Variants in CACNA1I observed in about 807,000 individuals in gnomAD.
The protein encoded by CACNA1I is voltage-dependent T-type calcium channel subunit alpha-1I.
Under a neutral mutation model 201.6 loss-of-function variants are expected in CACNA1I, and 74 were observed. The observed-to-expected ratio is 0.37, with a 90% CI of 0.30 to 0.45. The LOEUF is 0.45. CACNA1I is among the 20% of genes least tolerant of loss of function. The pLI is 1.00. For missense variants in CACNA1I, 2,346 were observed against 3,138.1 expected, an observed-to-expected ratio of 0.75 and a Z score of 6.03; for synonymous variants, 1,431 against 1,345.2, an observed-to-expected ratio of 1.06 and a Z score of -1.40.
intron 28 of CACNA1I, 73 bp from the exon 29 acceptor site, chr22:39,673,890 G>A (rs369405642): frequency 4.8e-5 from 69 of 1,429,282 alleles, no homozygotes; most frequent in East Asian, 2.8e-4. Context: ...GTTTACACAC[G>A]TGCACACATG....
intron 3 of CACNA1I, among the ~76,000 whole-genome samples, chr22:39,609,687 G>A (rs145212819): frequency 1.3e-5 from 2 of 152,342 alleles, no homozygotes; most frequent in South Asian, 2.1e-4. Flanking sequence ...AGCAAGGCTA[G>A]GAAAGCAGAA....
intron 29 of CACNA1I, among the ~76,000 whole-genome samples, chr22:39,674,531 C>T (rs1267784262): frequency 6.6e-6 from 1 of 152,180 alleles, no homozygotes; most frequent in Non-Finnish European, 1.5e-5. Flanking sequence ...GAGACCCTGA[C>T]CCAGGTGGGG....
chr22:39,606,472 C>T (rs1307760407), intron 3 of CACNA1I, among the ~76,000 whole-genome samples: 1 of 152,232 alleles, frequency 6.6e-6, no homozygotes, highest in Non-Finnish European at 1.5e-5. Context: ...CTAGACTCTT[C>T]CAGTGTGTGA....
chr22:39,616,764 C>CAAAAA (rs66551782), intron 3 of CACNA1I, among the ~76,000 whole-genome samples: 9 of 107,336 alleles, frequency 8.4e-5, no homozygotes, highest in African/African-American at 1.0e-4. Flanking sequence ...AACTCTGTCT[C>CAAAAA]AAAAAAAAAA....
rs1411802252 is a variant in CACNA1I at position 39,634,674 on chromosome 22, C to T, written c.690C>T (p.Leu230=). The part of the protein sequence containing the change: ...FFIFGIIGVQ[L]WAGLLRNRCF... ...TCTTTGGCATCATAGGTGTGCAGCT[C>T]TGGGCGGGCCTGCTGCGTAACCGCT... is the stretch of plus-strand genomic sequence containing the variant. Residue 230 remains leucine, a synonymous_variant, in exon 5 of 37, where the codon CTC becomes CTT. Coordinates refer to ENST00000402142, the MANE Select transcript of CACNA1I (RefSeq NM_021096.4). The T allele has an allele frequency of 3.1e-6, 5 of 1,613,930 alleles. No individual in the cohort carries two copies. The highest frequency in any genetic ancestry group is 3.4e-6 in the Non-Finnish European group (4 of 1,179,872).
chr22:39,600,455 G>T, intron 2 of CACNA1I, 65 bp from the exon 3 acceptor site: 1 of 1,410,932 alleles, frequency 7.1e-7, no homozygotes. Context: ...CACTGTGGCT[G>T]CAACCCCTGG....
rs200062848 is a variant in CACNA1I, at chr22:39,647,918, C to T, written c.1559C>T (p.Ser520Leu). 1,128 of 1,613,246 alleles carry T rather than the reference C, an allele frequency of 7.0e-4. 14 individuals carry two copies. The South Asian group carries it at 0.01, about 15-fold the overall frequency. The change falls in exon 9 of 37, where the codon TCG (serine) becomes TTG (leucine). Residue 520 changes from serine (S) to leucine (L), a missense_variant. Ser to Leu is a moderately radical substitution (Grantham distance 145). Coordinates refer to ENST00000402142, the MANE Select transcript of CACNA1I (RefSeq NM_021096.4). ...HGPASPGNDH[S>L]GRELCPQHSP... Reference sequence around the variant, plus strand: ...CCTGCCTCCCCTGGAAATGATCACTCGGGAAGAGGCAAGCCAGGGCCACGG... The same window carrying T: ...CCTGCCTCCCCTGGAAATGATCACTTGGGAAGAGGCAAGCCAGGGCCACGG...
intron 4 of CACNA1I, among the ~76,000 whole-genome samples, chr22:39,625,716 G>A (rs1433342085): frequency 6.6e-6 from 1 of 152,034 alleles, no homozygotes; most frequent in Non-Finnish European, 1.5e-5. Flanking sequence ...GAGGAAGGAA[G>A]CGCCAAATTA....
intron 20 of CACNA1I, 123 bp from the exon 21 acceptor site, chr22:39,664,615 GA>G: frequency 3.8e-6 from 2 of 520,522 alleles, no homozygotes; most frequent in Non-Finnish European, 3.5e-6. Context: ...CCACTTGCAG[GA>G]CCCCGCCCCC....
In CACNA1I at chr22:39,658,967, G is replaced by C. The variant is rs377565636; in HGVS notation, c.2181G>C (p.Leu727=). 1.1e-5 allele frequency: 18 copies of C among 1,605,186 alleles called. No individual in the cohort carries two copies. The African/African-American group carries it at 2.1e-4, about 19-fold the overall frequency. ...TTGTGGGGCAGGCGGACGGTGGGCT[G>C]TCGGTGCTGCGGACCTTCCGGCTGC... ...WEIVGQADGG[L]SVLRTFRLLR... is the part of the protein sequence containing the mutation. The change falls in exon 12 of 37, where the codon CTG becomes CTC. Residue 727 remains leucine (L), a synonymous_variant. Coordinates refer to ENST00000402142, the MANE Select transcript of CACNA1I (RefSeq NM_021096.4).
intron 10 of CACNA1I, among the ~76,000 whole-genome samples, chr22:39,651,482 A>C (rs1170932986): frequency 2.0e-5 from 3 of 152,138 alleles, no homozygotes; most frequent in Non-Finnish European, 2.9e-5. Context: ...GGCTCTCTGC[A>C]GGGGGAGAGC....
chr22:39,647,234 C>A (rs756090107), intron 8 of CACNA1I, among the ~76,000 whole-genome samples: 1 of 152,218 alleles, frequency 6.6e-6, no homozygotes, highest in African/African-American at 2.4e-5. Flanking sequence ...TTCTTCCCCC[C>A]CACTGCAGCC....
In CACNA1I at chr22:39,685,697, G is replaced by C. The variant is rs1423624796; in HGVS notation, c.6028-64G>C. ...TGCTGCCTGCTGTGCGGGGGAGGGC[G>C]GCGTCCAGGTTGCTGGGGTGGGGGC... On this transcript the variant is annotated intron_variant, in intron 36 of 36. Transcript: ENST00000402142. This position sits in a 1 kb window ranked among gnomAD's most constrained non-coding sequence, Gnocchi z 5.0. 1 of 1,320,080 alleles carries C rather than the reference G, an allele frequency of 7.6e-7. No homozygotes were observed. The highest frequency in any genetic ancestry group is 1.6e-5 in the African/African-American group (1 of 64,054). 81.8% of individuals were successfully genotyped at this position (1,320,080 alleles called of 1,614,324 possible). A position where few individuals can be genotyped will look rare whatever the true frequency, so the allele number is the denominator to read the frequency against.
chr22:39,598,502 C>T (rs1371613571), intron 2 of CACNA1I, among the ~76,000 whole-genome samples: 1 of 151,992 alleles, frequency 6.6e-6, no homozygotes, highest in African/African-American at 2.4e-5. Flanking sequence ...TACCTATTAC[C>T]CTTCGGATCC....
At chr22:39,580,474 G>T (rs1932511776) in intron 1 of CACNA1I, among the ~76,000 whole-genome samples, 1 of 152,200 alleles carries the variant, frequency 6.6e-6, no homozygotes, top group African/African-American at 2.4e-5. Flanking sequence ...AGAACTGCAA[G>T]GCTGTCCCTG....
intron 32 of CACNA1I, 53 bp downstream of exon 32, chr22:39,679,498 G>A (rs989160632): frequency 1.2e-5 from 15 of 1,282,760 alleles, no homozygotes; most frequent in Non-Finnish European, 1.5e-5. Context: ...GCACCGCAGG[G>A]CCAGATGGGC....
chr22:39,658,516 G>A (rs1178550826), intron 11 of CACNA1I, among the ~76,000 whole-genome samples: 5 of 152,216 alleles, frequency 3.3e-5, no homozygotes, highest in Admixed American at 6.5e-5. Context: ...CTATCATTCC[G>A]AGGAAGGGAT....
rs1033314539 is a variant in CACNA1I, at chr22:39,648,023, G to A, written c.1567+97G>A. Reference sequence around the variant, plus strand: ...GGAAGTCGGCAGGCATGGGGACGGCGCTTGAGCAGCCGCGACCCTCTGCAG... The same window carrying A: ...GGAAGTCGGCAGGCATGGGGACGGCACTTGAGCAGCCGCGACCCTCTGCAG... On this transcript the variant is annotated intron_variant, in intron 9 of 36. Transcript: ENST00000402142. This position sits in a 1 kb window ranked among gnomAD's most constrained non-coding sequence, Gnocchi z 5.4. The A allele has an allele frequency of 8.4e-6, 9 of 1,077,390 alleles. No homozygotes were observed. Among genetic ancestry groups the A allele is most frequent in the Admixed American group, 2.0e-5 (1 of 50,060 alleles). 66.7% of individuals were successfully genotyped at this position (1,077,390 alleles called of 1,614,324 possible). A position where few individuals can be genotyped will look rare whatever the true frequency, so the allele number is the denominator to read the frequency against.
Position 39,662,377 on chromosome 22 carries a change from T to A in CACNA1I, c.3314T>A (p.Val1105Asp). ...AGGATGCCCAGCATCGCCAAAGACG[T>A]CTTCACCAAGATGGGCGACCGCGGG... is the stretch of plus-strand genomic sequence containing the variant. ...NGRMPSIAKD[V>D]FTKMGDRGDR... Residue 1105 changes from valine to aspartate, a missense_variant, in exon 17 of 37, where the codon GTC becomes GAC. Transcript: ENST00000402142. 6.8e-7 allele frequency: 1 copy of A among 1,478,694 alleles called. No homozygotes were observed. The allele number at this position is 1,478,694 out of a possible 1,614,324, so 91.6% of individuals were successfully genotyped here. A position where few individuals can be genotyped will look rare whatever the true frequency, so the allele number is the denominator to read the frequency against.
Sources: gnomAD v4.1 joint callset for allele counts (sites outside exome capture counted in the v4.1 genomes callset) on GRCh38, gnomAD v4.1.1 for gene constraint, Gnocchi (gnomAD v3.1) non-coding constraint, MANE v1.5 for transcripts, NCBI Gene and HGNC (gene_info 2026-07-23, HGNC 2026-07-21) for gene names.